The following ATG4A variants were observed in gnomAD, a reference collection of about 807,000 sequenced individuals.
ATG4A encodes the protein autophagy related 4A cysteine peptidase, also known as cysteine protease ATG4A.
In ATG4A, 22 loss-of-function variants were observed where a neutral mutation model predicts 38.4. That is an observed-to-expected ratio of 0.57 (90% CI 0.41 to 0.82). The LOEUF (loss-of-function observed/expected upper bound fraction) is 0.82, where lower values mean the gene tolerates loss of function less well. Ranked by LOEUF, ATG4A falls within the 40% of genes least tolerant of loss-of-function variation. The pLI, the probability that ATG4A is intolerant of heterozygous loss-of-function variation, is 0.00. For missense variants in ATG4A, 220 were observed against 290.0 expected, an observed-to-expected ratio of 0.76 and a Z score of 1.75; for synonymous variants, 86 against 100.7, an observed-to-expected ratio of 0.85 and a Z score of 0.88.
Position 108,153,774 on chromosome X carries a change from T to G in ATG4A, c.*62T>G. The G allele has an allele frequency of 9.8e-7, 1 of 1,017,531 alleles. No homozygotes were observed. 83.9% of individuals were successfully genotyped at this position (1,017,531 alleles called of 1,213,427 possible). A position where few individuals can be genotyped will look rare whatever the true frequency, so the allele number is the denominator to read the frequency against. On this transcript the variant is annotated 3_prime_UTR_variant, in exon 13 of 13. Transcript: ENST00000372232. ...CTGGCACCATAAAAACATGAACTTA[T>G]TGCATAAAACTTTTCTAGTCAGCAA...
intron 1 of ATG4A, among the ~76,000 whole-genome samples, chrX:108,098,279 C>A (rs764252834): frequency 8.9e-6 from 1 of 112,047 alleles, no homozygotes. Context: ...CTGTTACAGG[C>A]TGTTATAATA....
chrX:108,118,176 C>T (rs957485134), intron 1 of ATG4A, among the ~76,000 whole-genome samples: 1 of 111,926 alleles, frequency 8.9e-6, no homozygotes, highest in Non-Finnish European at 1.9e-5. Flanking sequence ...CCCTTATAAA[C>T]AGTGGGTATT....
chrX:108,114,085 TG>T (rs1309475865), intron 1 of ATG4A, among the ~76,000 whole-genome samples: 1 of 112,182 alleles, frequency 8.9e-6, no homozygotes, highest in Non-Finnish European at 1.9e-5. Flanking sequence ...ATAATGGCAT[TG>T]TTTTGACTTC....
intron 1 of ATG4A, among the ~76,000 whole-genome samples, chrX:108,099,815 T>C (rs1180323505): frequency 1.8e-5 from 2 of 112,100 alleles, no homozygotes; most frequent in African/African-American, 6.5e-5. Flanking sequence ...TTTTCTAATC[T>C]GATTCATTGA....
upstream of ATG4A, chrX:108,091,549 C>G: frequency 8.5e-7 from 1 of 1,175,555 alleles, no homozygotes; most frequent in African/African-American, 1.7e-5. Flanking sequence ...ACTTGTCGCG[C>G]GAGCAACGCC....
intron 1 of ATG4A, among the ~76,000 whole-genome samples, chrX:108,099,174 T>A (rs751676350): frequency 6.2e-5 from 7 of 112,047 alleles, no homozygotes; most frequent in Middle Eastern, 4.6e-3. Flanking sequence ...ATTTTTTTTT[T>A]AAGTTTTAGC....
Position 108,152,961 on chromosome X carries a change from G to A in ATG4A, c.1018-18G>A. ...TTGTGACTCTGAAGTATTTAAAACT[G>A]TTTTGTCATCTCCCCAGGAAATTCT... On this transcript the variant is annotated intron_variant, in intron 11 of 12. Coordinates refer to ENST00000372232, the MANE Select transcript of ATG4A (RefSeq NM_052936.5). 8.7e-7 allele frequency: 1 copy of A among 1,148,531 alleles called. No individual in the cohort carries two copies. Among genetic ancestry groups the A allele is most frequent in the Non-Finnish European group, 1.2e-6 (1 of 838,507 alleles). The allele number at this position is 1,148,531 out of a possible 1,213,427, so 94.7% of individuals were successfully genotyped here.
At chrX:108,105,766 C>T (rs2032151649) in intron 1 of ATG4A, among the ~76,000 whole-genome samples, 1 of 111,240 alleles carries the variant, frequency 9.0e-6, no homozygotes, top group Non-Finnish European at 1.9e-5. Context: ...CTTCCTGGTT[C>T]CTTGAGCAGC....
At chrX:108,094,249 G>T (rs934860589) in intron 1 of ATG4A, among the ~76,000 whole-genome samples, 1 of 111,567 alleles carries the variant, frequency 9.0e-6, no homozygotes, top group African/African-American at 3.3e-5. Context: ...TTTTCTCTGT[G>T]ATGTGAGGTG....
At chrX:108,137,690 G>A in intron 7 of ATG4A, 114 bp from the exon 8 acceptor site, 1 of 745,750 alleles carries the variant, frequency 1.3e-6, no homozygotes, top group Non-Finnish European at 1.9e-6. Flanking sequence ...GCAGAGGAGA[G>A]GGCCTTCTAG....
chrX:108,137,706 G>A, intron 7 of ATG4A, 98 bp from the exon 8 acceptor site: 5 of 880,393 alleles, frequency 5.7e-6, no homozygotes, highest in Non-Finnish European at 7.8e-6. Flanking sequence ...TCTAGGCAGG[G>A]TGGGGGGCAT....
chrX:108,113,516 T>C (rs1426057822), intron 1 of ATG4A, among the ~76,000 whole-genome samples: 1 of 111,038 alleles, frequency 9.0e-6, no homozygotes, highest in Non-Finnish European at 1.9e-5. Flanking sequence ...GGGGCAGTTA[T>C]TGTGAAATTC....
In ATG4A at chrX:108,104,308, T is replaced by C. The variant is rs191860137; in HGVS notation, c.10+12472T>C. On this transcript the variant is annotated intron_variant, in intron 1 of 12. Transcript: ENST00000372232. ...TTATTTCAACTCAAATGTCTCTCTT[T>C]AGCATTTCTTGTAAGGCAGTTCTAG... 4.9e-3 allele frequency among the ~76,000 whole-genome samples: 556 copies of C among 112,342 alleles called. 5 individuals carry two copies. The highest frequency in any genetic ancestry group is 0.017 in the African/African-American group (522 of 30,971).
At chrX:108,136,647 A>C (rs1454791699) in intron 6 of ATG4A, among the ~76,000 whole-genome samples, 3 of 112,017 alleles carry the variant, frequency 2.7e-5, no homozygotes, top group Non-Finnish European at 5.6e-5. Context: ...ATTATCTATG[A>C]TCCCAAACAA....
chrX:108,134,435 G>C lies in ATG4A; in HGVS notation c.467+24G>C, dbSNP rs186895780. On this transcript the variant is annotated intron_variant, in intron 6 of 12. Coordinates refer to ENST00000372232, the MANE Select transcript of ATG4A (RefSeq NM_052936.5). ...AAGTAAGTAAAAGAGTCTGGCATCT[G>C]CCTTATTCTGCTGTCTCCTATGCTT... The C allele has an allele frequency of 3.1e-4, 358 of 1,170,874 alleles. No individual in the cohort carries two copies. The African/African-American group carries it at 5.9e-3, about 19-fold the overall frequency.
intron 9 of ATG4A, among the ~76,000 whole-genome samples, chrX:108,140,955 T>TAC (rs2033235720): frequency 2.2e-5 from 2 of 91,423 alleles, no homozygotes; most frequent in African/African-American, 8.4e-5. Flanking sequence ...TACACATATA[T>TAC]ACATATATAC....
chrX:108,119,635 T>C (rs12688380), intron 1 of ATG4A, among the ~76,000 whole-genome samples: 5,973 of 111,465 alleles, frequency 0.054, 136 homozygotes, highest in East Asian at 0.094. Flanking sequence ...ATGGAGAATC[T>C]GAGGTCCAGA....
intron 1 of ATG4A, among the ~76,000 whole-genome samples, chrX:108,105,404 C>T (rs1322709399): frequency 9.0e-6 from 1 of 110,900 alleles, no homozygotes; most frequent in Non-Finnish European, 1.9e-5. Flanking sequence ...TCTGTGTCTA[C>T]AACACTGCAA....
At chrX:108,151,952 C>T in intron 11 of ATG4A, 94 bp downstream of exon 11, 1 of 790,509 alleles carries the variant, frequency 1.3e-6, no homozygotes, top group Non-Finnish European at 1.8e-6. Flanking sequence ...AAATCCTACT[C>T]TGATACGACT....
Sources: gnomAD v4.1 joint callset for allele counts (sites outside exome capture counted in the v4.1 genomes callset) on GRCh38, gnomAD v4.1.1 for gene constraint, MANE v1.5 for transcripts, NCBI Gene and HGNC (gene_info 2026-07-23, HGNC 2026-07-21) for gene names.